IRAK2: variants seen among roughly 807,000 people sequenced by gnomAD.
IRAK2 encodes interleukin-1 receptor-associated kinase-like 2.
In IRAK2, 57 loss-of-function variants were observed where a neutral mutation model predicts 72.0. That is an observed-to-expected ratio of 0.79 (90% confidence interval 0.64 to 0.99). The LOEUF (loss-of-function observed/expected upper bound fraction) is 0.99, where lower values mean the gene tolerates loss of function less well. Among genes scored for constraint, IRAK2 ranks in the 50% least tolerant of loss-of-function variants. The pLI is 0.00. For synonymous variants in IRAK2, 293 were observed against 312.7 expected (o/e 0.94, Z 0.67); for missense variants, 790 against 794.4 (o/e 0.99, Z 0.07).
chr3:10,178,628 A>T (rs138323642), intron 2 of IRAK2, among the ~76,000 whole-genome samples: 3 of 152,280 alleles, frequency 2.0e-5, no homozygotes, highest in East Asian at 3.9e-4. Flanking sequence ...TAATTAATTT[A>T]AAAAACCCCA....
At chr3:10,203,609 G>T (rs1418711506) in intron 3 of IRAK2, among the ~76,000 whole-genome samples, 2 of 152,140 alleles carry the variant, frequency 1.3e-5, no homozygotes, top group East Asian at 3.8e-4. Context: ...GAAGTGGGAA[G>T]AGACATGGAG....
Position 10,234,673 on chromosome 3 carries a change from G to C in IRAK2, c.1473+14G>C. The C allele has an allele frequency of 6.2e-7, 1 of 1,608,316 alleles. No homozygotes were observed. The highest frequency in any genetic ancestry group is 8.5e-7 in the Non-Finnish European group (1 of 1,177,008). On this transcript the variant is annotated intron_variant, in intron 11 of 12. Transcript: ENST00000256458. ...AGCCTGCAGGAGGTGAGCCTCGCCCGCAGCGGCCTCGCTGCCTGGGCCACG... is the reference window on the plus strand; with the variant it reads ...AGCCTGCAGGAGGTGAGCCTCGCCCCCAGCGGCCTCGCTGCCTGGGCCACG...
At chr3:10,176,024 G>A (rs185857100) in intron 1 of IRAK2, among the ~76,000 whole-genome samples, 2 of 151,420 alleles carry the variant, frequency 1.3e-5, no homozygotes, top group Non-Finnish European at 1.5e-5. Context: ...CCTTAGGAGG[G>A]TGGTGAGATG....
chr3:10,167,057 G>C lies in IRAK2; in HGVS notation c.94+2009G>C, dbSNP rs376997275. Among the ~76,000 whole-genome samples the C allele has an allele frequency of 9.9e-5, 15 of 151,842 alleles. 1 individual carries two copies. The highest frequency in any genetic ancestry group is 2.7e-4 in the African/African-American group (11 of 41,268). On this transcript the variant is annotated intron_variant, in intron 1 of 12. Transcript: ENST00000256458. ...AGTTACAAATGCCAGAACAACTTCTGTTTCTAGGAAATTCAATTAGAAGGC... is the reference window on the plus strand; with the variant it reads ...AGTTACAAATGCCAGAACAACTTCTCTTTCTAGGAAATTCAATTAGAAGGC...
At chr3:10,208,716 T>C (rs1697470403) in intron 3 of IRAK2, among the ~76,000 whole-genome samples, 1 of 151,694 alleles carries the variant, frequency 6.6e-6, no homozygotes, top group Non-Finnish European at 1.5e-5. Flanking sequence ...TGAGCCGAGA[T>C]TGTGCCACTG....
intron 10 of IRAK2, among the ~76,000 whole-genome samples, chr3:10,231,944 G>A (rs1319691119): frequency 6.6e-6 from 1 of 152,100 alleles, no homozygotes; most frequent in African/African-American, 2.4e-5. Flanking sequence ...GGCTAACATG[G>A]TGAAACCCCG....
At position 10,222,758 on chromosome 3, in the gene IRAK2, C is replaced by A. The variant is rs751815590; in HGVS notation, c.1136C>A (p.Ala379Asp). 118 of 1,614,086 alleles carry A rather than the reference C, an allele frequency of 7.3e-5. No individual in the cohort carries two copies. The highest frequency in any genetic ancestry group is 9.7e-5 in the Non-Finnish European group (114 of 1,180,034). Reference sequence around the variant, plus strand: ...AAGACTCACCTGCTCCGGACGTCAGCCGCGTATCTGCCAGAGGATTTCATC... The same window carrying A: ...AAGACTCACCTGCTCCGGACGTCAGACGCGTATCTGCCAGAGGATTTCATC... Reference protein sequence around the residue: ...MMKTHLLRTSAAYLPEDFIRV... With the variant: ...MMKTHLLRTSDAYLPEDFIRV... The change falls in exon 9 of 13, where the codon GCC (alanine) becomes GAC (aspartate). Residue 379 changes from alanine to aspartate, a missense_variant. Transcript: ENST00000256458.
intron 7 of IRAK2, 48 bp from the exon 8 acceptor site, chr3:10,219,631 TA>T: frequency 6.8e-7 from 1 of 1,461,142 alleles, no homozygotes; most frequent in South Asian, 1.2e-5. Context: ...ATCAGGACTT[TA>T]AAAAGGTACA....
chr3:10,214,130 TG>T (rs1329239962), intron 6 of IRAK2, among the ~76,000 whole-genome samples: 2 of 152,128 alleles, frequency 1.3e-5, no homozygotes, highest in African/African-American at 4.8e-5. Context: ...GGTTTTGACA[TG>T]TTGGCCAGGA....
intron 8 of IRAK2, among the ~76,000 whole-genome samples, chr3:10,221,130 C>T (rs1319441178): frequency 6.0e-5 from 9 of 151,198 alleles, no homozygotes; most frequent in East Asian, 2.0e-4. Context: ...CGGTGGCTCA[C>T]GCCTGTAATC....
chr3:10,188,282 C>T (rs1234188035), intron 2 of IRAK2, among the ~76,000 whole-genome samples: 3 of 152,148 alleles, frequency 2.0e-5, no homozygotes, highest in African/African-American at 7.2e-5. Flanking sequence ...TGCCCTGCCA[C>T]AGGGATTTAG....
In IRAK2 at chr3:10,231,007, C is replaced by T. The variant is rs118044864; in HGVS notation, c.1273-3452C>T. ...ACCTCAAGTGATCCACCTGCCTCGG[C>T]GGCCTCCCAAGTACCTGGGACCACA... On this transcript the variant is annotated intron_variant, in intron 10 of 12. Transcript: ENST00000256458. Among the ~76,000 whole-genome samples, 366 of 151,900 alleles carry T rather than the reference C, an allele frequency of 2.4e-3. 10 individuals carry two copies. In the East Asian group the frequency reaches 0.046, roughly 19 times the overall value.
At chr3:10,236,373 A>G (rs1375665862) in intron 11 of IRAK2, among the ~76,000 whole-genome samples, 2 of 137,022 alleles carry the variant, frequency 1.5e-5, no homozygotes, top group East Asian at 2.2e-4. Context: ...TTTTTAACAG[A>G]ATCTCACTCT....
chr3:10,195,948 T>G lies in IRAK2; in HGVS notation c.278-4421T>G, dbSNP rs530520265. ...TCTCTCCCTGCCAGAGAGGGGAGGC[T>G]GGGAAAGATGAGGACTGGGAGTGGC... On this transcript the variant is annotated intron_variant, in intron 2 of 12. Transcript: ENST00000256458. 4.5e-4 allele frequency among the ~76,000 whole-genome samples: 68 copies of G among 151,960 alleles called. 1 individual carries two copies. Among genetic ancestry groups the G allele is most frequent in the African/African-American group, 1.6e-3 (66 of 41,432 alleles).
chr3:10,181,806 C>G (rs1336708669), intron 2 of IRAK2, among the ~76,000 whole-genome samples: 1 of 152,180 alleles, frequency 6.6e-6, no homozygotes, highest in African/African-American at 2.4e-5. Flanking sequence ...TGGAATCACT[C>G]TTGTTATTCA....
At position 10,221,584 on chromosome 3, in the gene IRAK2, C is replaced by T. The variant is rs1486028739; in HGVS notation, c.1014-1052C>T. 2.6e-5 allele frequency among the ~76,000 whole-genome samples: 4 copies of T among 151,886 alleles called. No homozygotes were observed. The East Asian group carries it at 7.8e-4, about 30-fold the overall frequency. The stretch of plus-strand genomic sequence containing the variant: ...AATTTTTTTTTGAGACAGGGCCTTG[C>T]TCTTTTGCCCAGGCTGGAGTACAGT... On this transcript the variant is annotated intron_variant, in intron 8 of 12. Coordinates refer to ENST00000256458, the MANE Select transcript of IRAK2 (RefSeq NM_001570.4).
intron 11 of IRAK2, among the ~76,000 whole-genome samples, chr3:10,237,927 C>CTGTGTG (rs1491258718): frequency 4.8e-4 from 43 of 89,928 alleles, no homozygotes; most frequent in Non-Finnish European, 8.4e-4. Flanking sequence ...TGTATGTGTG[C>CTGTGTG]TCTGTGTGTG....
At chr3:10,178,644 T>G (rs1408545623) in intron 2 of IRAK2, among the ~76,000 whole-genome samples, 1 of 152,140 alleles carries the variant, frequency 6.6e-6, no homozygotes, top group African/African-American at 2.4e-5. Context: ...CCCCAATAGC[T>G]ATAACAAAAA....
At chr3:10,180,962 G>T (rs1696951218) in intron 2 of IRAK2, among the ~76,000 whole-genome samples, 2 of 152,134 alleles carry the variant, frequency 1.3e-5, no homozygotes, top group South Asian at 4.1e-4. Flanking sequence ...GGGCGATCTG[G>T]CTACCAATGG....
Sources: gnomAD v4.1 joint callset for allele counts (sites outside exome capture counted in the v4.1 genomes callset) on GRCh38, gnomAD v4.1.1 for gene constraint, MANE v1.5 for transcripts, NCBI Gene and HGNC (gene_info 2026-07-23, HGNC 2026-07-21) for gene names.